C17orf75: variants seen among roughly 807,000 people sequenced by gnomAD.
C17orf75 encodes the protein protein Njmu-R1.
In C17orf75, 32 loss-of-function variants were observed where a neutral mutation model predicts 49.6. The ratio of observed to expected loss-of-function variants is 0.65; its 90% confidence interval spans 0.49 to 0.87. C17orf75 has a LOEUF of 0.87. C17orf75 is among the 40% of genes least tolerant of loss of function. The pLI is 0.00. For missense variants in C17orf75, 428 were observed against 473.9 expected, an observed-to-expected ratio of 0.90 and a Z score of 0.90; for synonymous variants, 158 against 159.5, an observed-to-expected ratio of 0.99 and a Z score of 0.07.
intron 1 of C17orf75, among the ~76,000 whole-genome samples, chr17:32,349,256 C>A (rs2150782997): frequency 2.0e-5 from 3 of 152,294 alleles, no homozygotes; most frequent in Admixed American, 2.0e-4. Context: ...ATACCCTTTC[C>A]TTCACCTTGC....
At chr17:32,346,307 C>A (rs2041424903), upstream of C17orf75, among the ~76,000 whole-genome samples, 1 of 152,122 alleles carries the variant, frequency 6.6e-6, no homozygotes. Flanking sequence ...GTAGTCCCTG[C>A]TACTCCGTGG....
At chr17:32,346,107 C>T (rs2041423175), upstream of C17orf75, among the ~76,000 whole-genome samples, 1 of 152,086 alleles carries the variant, frequency 6.6e-6, no homozygotes, top group South Asian at 2.1e-4. Context: ...AGCCTCCTCC[C>T]CTTGCTTATC....
At position 32,341,186 on chromosome 17, in the gene C17orf75, T is replaced by C. The variant is rs2041376893; in HGVS notation, c.221+18A>G. On this transcript the variant is annotated intron_variant, in intron 2 of 9. Transcript: ENST00000577809. ...AAGATGAAAGCACATGCATGAATTATGCTGAAGCTCTTTTTACCTGAAATC... is the reference window on the plus strand; with the variant it reads ...AAGATGAAAGCACATGCATGAATTACGCTGAAGCTCTTTTTACCTGAAATC... 6.2e-7 allele frequency: 1 copy of C among 1,613,014 alleles called. No individual in the cohort carries two copies. Among genetic ancestry groups the C allele is most frequent in the Non-Finnish European group, 8.5e-7 (1 of 1,179,042 alleles).
rs953281022 is a variant in C17orf75 at position 32,331,700 on chromosome 17, G to A, written c.*63C>T. On this transcript the variant is annotated 3_prime_UTR_variant, in exon 10 of 10. Transcript: ENST00000577809. ...AGCAATCCTATGAACAATTATAACT[G>A]CAATTTCAAACACTAAGACTTAAAT... is the stretch of plus-strand genomic sequence containing the variant. 1.5e-6 allele frequency: 2 copies of A among 1,302,790 alleles called. No homozygotes were observed. Among genetic ancestry groups the A allele is most frequent in the Admixed American group, 3.7e-5 (2 of 54,392 alleles). The allele number at this position is 1,302,790 out of a possible 1,614,324, so 80.7% of individuals were successfully genotyped here.
At chr17:32,346,697 C>T (rs181152026), upstream of C17orf75, among the ~76,000 whole-genome samples, 23 of 152,058 alleles carry the variant, frequency 1.5e-4, no homozygotes, top group Admixed American at 1.4e-3. Flanking sequence ...CTCAGCCTCC[C>T]GAGTAGCTGG....
chr17:32,342,676 CTG>C (rs1392533024), upstream of C17orf75, among the ~76,000 whole-genome samples: 1 of 152,248 alleles, frequency 6.6e-6, no homozygotes, highest in African/African-American at 2.4e-5. Flanking sequence ...TGGCTCACGC[CTG>C]TAATTCCAGT....
chr17:32,346,141 C>A (rs1309650121), upstream of C17orf75, among the ~76,000 whole-genome samples: 1 of 152,116 alleles, frequency 6.6e-6, no homozygotes, highest in East Asian at 1.9e-4. Context: ...CAACGAGAGG[C>A]ACAGCATGGT....
chr17:32,339,109 C>A (rs959571349), intron 3 of C17orf75, among the ~76,000 whole-genome samples: 100 of 151,142 alleles, frequency 6.6e-4, no homozygotes, highest in African/African-American at 2.3e-3. Context: ...CAAAACAAAA[C>A]AAAAAAGGAG....
chr17:32,332,351 A>G (rs911342691), intron 9 of C17orf75, among the ~76,000 whole-genome samples: 22 of 152,232 alleles, frequency 1.4e-4, no homozygotes, highest in Non-Finnish European at 2.5e-4. Flanking sequence ...CATGTTGGTC[A>G]GGCTGGTCTC....
Position 32,331,942 on chromosome 17 carries a change from G to A in C17orf75, c.1012C>T (p.Arg338Ter). The A allele has an allele frequency of 1.9e-6, 3 of 1,612,894 alleles. No homozygotes were observed. Among genetic ancestry groups the A allele is most frequent in the Non-Finnish European group, 1.7e-6 (2 of 1,179,490 alleles). The change falls in exon 10 of 10, where the codon CGA becomes TGA. Residue 338 changes from arginine (R) to a stop codon, truncating the protein, a stop_gained. Transcript: ENST00000577809. LOFTEE classifies it high-confidence loss of function. ...GCATAATGATTCATTTCTGCCTGTC[G>A]GATAAATCTCTTCAAATTGTTTGTG... ...QDTNNLKRFIRQAEMNHYALF... is the reference protein window; with the variant it reads ...QDTNNLKRFI
intron 8 of C17orf75, 86 bp downstream of exon 8, chr17:32,334,383 A>T: frequency 1.4e-6 from 2 of 1,442,334 alleles, no homozygotes; most frequent in Non-Finnish European, 1.8e-6. Context: ...CAAGGCAGGA[A>T]GAATAAGGTT....
upstream of C17orf75, chr17:32,344,119 C>T (rs1468199303): frequency 1.3e-5 from 7 of 551,558 alleles, no homozygotes; most frequent in African/African-American, 1.1e-4. Flanking sequence ...GCAAAATGGT[C>T]TTCATTTGCC....
In C17orf75 at chr17:32,335,437, C is replaced by G. The variant is rs1210860051; in HGVS notation, c.555G>C (p.Arg185Ser). ...GLKNNMNCEA[R>S]GLESHIKSYL... ...AGGATTTTATGTGACTCTCCAGGCC[C>G]CTTGCCTAAATCAAGAAAGAACATC... The change falls in exon 6 of 10, where the codon AGG (arginine) becomes AGC (serine). Residue 185 changes from arginine (R) to serine (S), a missense_variant. Coordinates refer to ENST00000577809, the MANE Select transcript of C17orf75 (RefSeq NM_022344.4). 9.9e-6 allele frequency: 16 copies of G among 1,613,080 alleles called. No homozygotes were observed. Among genetic ancestry groups the G allele is most frequent in the Non-Finnish European group, 1.4e-5 (16 of 1,179,612 alleles).
chr17:32,348,533 A>G (rs1007440345), intron 1 of C17orf75, among the ~76,000 whole-genome samples: 1 of 152,230 alleles, frequency 6.6e-6, no homozygotes, highest in Non-Finnish European at 1.5e-5. Flanking sequence ...GTCTGCTATT[A>G]TTTTTTGCTT....
chr17:32,346,961 T>C (rs1265160846), upstream of C17orf75, among the ~76,000 whole-genome samples: 2 of 151,982 alleles, frequency 1.3e-5, no homozygotes, highest in African/African-American at 2.4e-5. Context: ...TTCTTTCTTT[T>C]TTTTTTTGGA....
At chr17:32,348,000 G>A (rs1431903525) in intron 1 of C17orf75, among the ~76,000 whole-genome samples, 1 of 151,486 alleles carries the variant, frequency 6.6e-6, no homozygotes, top group Non-Finnish European at 1.5e-5. Context: ...TTGAGCAACT[G>A]CACCCAGCCT....
At chr17:32,336,833 T>C (rs573722533) in intron 5 of C17orf75, among the ~76,000 whole-genome samples, 3 of 152,298 alleles carry the variant, frequency 2.0e-5, no homozygotes, top group South Asian at 2.1e-4. Flanking sequence ...TACAGGACTA[T>C]GTTTCCTGTA....
At chr17:32,349,092 C>T (rs2041456206) in intron 1 of C17orf75, among the ~76,000 whole-genome samples, 1 of 151,754 alleles carries the variant, frequency 6.6e-6, no homozygotes, top group South Asian at 2.1e-4. Flanking sequence ...TCTCGAACTC[C>T]TGACCTCAAG....
chr17:32,333,632 G>T, intron 8 of C17orf75, 112 bp from the exon 9 acceptor site: 1 of 898,974 alleles, frequency 1.1e-6, no homozygotes, highest in Non-Finnish European at 1.7e-6. Flanking sequence ...TGCAGCCGGA[G>T]TACTAACTAT....
Sources: gnomAD v4.1 joint callset for allele counts (sites outside exome capture counted in the v4.1 genomes callset) on GRCh38, gnomAD v4.1.1 for gene constraint, MANE v1.5 for transcripts, NCBI Gene and HGNC (gene_info 2026-07-23, HGNC 2026-07-21) for gene names.